WFDC8: variants seen among roughly 807,000 people sequenced by gnomAD.
The protein encoded by WFDC8 is WAP four-disulfide core domain protein 8.
Under a neutral mutation model 27.0 loss-of-function variants are expected in WFDC8, and 24 were observed. That is an observed-to-expected ratio of 0.89 (90% CI 0.64 to 1.25). The LOEUF is 1.25. Ranked by LOEUF, WFDC8 falls within the 50% of genes most tolerant of loss-of-function variation. The probability of loss-of-function intolerance (pLI) is 0.00; values close to 1 mark genes in which losing one functional copy is unlikely to be tolerated. For synonymous variants in WFDC8, 106 were observed against 99.7 expected, an observed-to-expected ratio of 1.06 and a Z score of -0.38; for missense variants, 287 against 295.9, an observed-to-expected ratio of 0.97 and a Z score of 0.22.
In WFDC8 at chr20:45,553,209, A is replaced by C. The variant is rs771731147; in HGVS notation, c.513T>G (p.Ser171Arg). 1.2e-6 allele frequency: 2 copies of C among 1,613,898 alleles called. No homozygotes were observed. The highest frequency in any genetic ancestry group is 4.5e-5 in the East Asian group (2 of 44,880). ...TGTCTGTCTGGGGACAATCGATGTC[A>C]CTGTGACATGAAGGTGGACACTCCT... ...ERKECPPSCH[S>R]DIDCPQTDKC... is the part of the protein sequence containing the mutation. The change falls in exon 5 of 6, where the codon AGT (serine) becomes AGG (arginine). Residue 171 changes from serine (S) to arginine (R), a missense_variant. Ser to Arg is a moderately radical substitution (Grantham distance 110). Transcript: ENST00000289953.
At chr20:45,570,536 A>G (rs1371409836) in intron 1 of WFDC8, among the ~76,000 whole-genome samples, 3 of 152,334 alleles carry the variant, frequency 2.0e-5, no homozygotes, top group East Asian at 3.9e-4. Flanking sequence ...CTATGGCTAT[A>G]CAACAGGTTC....
intron 2 of WFDC8, among the ~76,000 whole-genome samples, chr20:45,559,368 T>C (rs1238006995): frequency 2.0e-5 from 3 of 152,206 alleles, no homozygotes; most frequent in Non-Finnish European, 4.4e-5. Context: ...GGGAACATCA[T>C]GGAAGTAGAG....
chr20:45,564,426 C>G (rs1031935634), intron 1 of WFDC8, among the ~76,000 whole-genome samples: 7 of 152,030 alleles, frequency 4.6e-5, no homozygotes, highest in Admixed American at 4.6e-4. Context: ...AATCCCAGCA[C>G]TTTGGGAGGC....
At chr20:45,572,795 C>T (rs1274532307) in intron 1 of WFDC8, among the ~76,000 whole-genome samples, 1 of 152,166 alleles carries the variant, frequency 6.6e-6, no homozygotes, top group African/African-American at 2.4e-5. Flanking sequence ...TTAGTAGAGA[C>T]AGGGTTTCAC....
chr20:45,562,065 A>C (rs1243696112), intron 2 of WFDC8, 45 bp downstream of exon 2: 1 of 1,570,854 alleles, frequency 6.4e-7, no homozygotes, highest in East Asian at 2.3e-5. Flanking sequence ...CTCATCCCCA[A>C]TAATGCTTTC....
chr20:45,553,058 AC>A, intron 5 of WFDC8, 77 bp downstream of exon 5: 3 of 1,521,870 alleles, frequency 2.0e-6, no homozygotes, highest in Non-Finnish European at 1.8e-6. Context: ...GGTTCAAGAC[AC>A]CCCCCACTCC....
At chr20:45,565,213 A>G (rs1025733701) in intron 1 of WFDC8, among the ~76,000 whole-genome samples, 2 of 152,152 alleles carry the variant, frequency 1.3e-5, no homozygotes, top group African/African-American at 4.8e-5. Context: ...ACGCTTCACC[A>G]TCAAATCACT....
chr20:45,578,638 C>T (rs1173824522), intron 1 of WFDC8, among the ~76,000 whole-genome samples: 3 of 141,250 alleles, frequency 2.1e-5, no homozygotes, highest in African/African-American at 7.4e-5. Context: ...ATGTGTCTTC[C>T]TTCCACGGGC....
At chr20:45,551,617 CAAAA>C (rs11479142), downstream of WFDC8, 368 of 124,534 alleles carry the variant, frequency 3.0e-3, 1 homozygote, top group African/African-American at 7.9e-3. Flanking sequence ...CTCCGTCTCA[CAAAA>C]AAAAAAAAAA....
intron 2 of WFDC8, chr20:45,559,689 G>T (rs1980395392): frequency 6.6e-6 from 1 of 151,472 alleles, no homozygotes; most frequent in South Asian, 2.1e-4. Flanking sequence ...TGGCAGATGT[G>T]GCGTTGCTTT....
intron 1 of WFDC8, among the ~76,000 whole-genome samples, chr20:45,564,789 C>G (rs1446677426): frequency 6.6e-6 from 1 of 151,342 alleles, no homozygotes; most frequent in East Asian, 1.9e-4. Flanking sequence ...TTTCAATGAG[C>G]CATGATCATG....
Position 45,555,727 on chromosome 20 carries a change from G to A in WFDC8, c.419C>T (p.Ala140Val). Residue 140 changes from alanine (A) to valine (V), a missense_variant, in exon 4 of 6, where the codon GCC (alanine) becomes GTC (valine). By Grantham distance (64) the Ala-to-Val change is moderately conservative (BLOSUM62 0). Transcript: ENST00000289953. ...GNANNFLNED[A>V]CRTACMLIVK... Reference sequence around the variant, plus strand: ...AATTAACATGCAGGCCGTTCTGCAGGCATCCTCATTTAAGAAGTTGTTGGC... The same window carrying A: ...AATTAACATGCAGGCCGTTCTGCAGACATCCTCATTTAAGAAGTTGTTGGC... The A allele has an allele frequency of 6.2e-7, 1 of 1,612,646 alleles. No homozygotes were observed. The highest frequency in any genetic ancestry group is 8.5e-7 in the Non-Finnish European group (1 of 1,180,010).
intron 1 of WFDC8, among the ~76,000 whole-genome samples, chr20:45,578,989 C>T (rs1981140867): frequency 6.6e-6 from 1 of 152,046 alleles, no homozygotes; most frequent in African/African-American, 2.4e-5. Context: ...CACCTGTAGT[C>T]CCAGCTACTA....
intron 1 of WFDC8, among the ~76,000 whole-genome samples, chr20:45,573,077 T>G (rs1326528435): frequency 6.6e-6 from 1 of 152,244 alleles, no homozygotes; most frequent in Non-Finnish European, 1.5e-5. Context: ...GTCTCTTGAC[T>G]CTGTTGATTA....
chr20:45,568,071 G>A, intron 1 of WFDC8: 1 of 328,722 alleles, frequency 3.0e-6, no homozygotes, highest in South Asian at 3.8e-5. Flanking sequence ...AACTAAAAAA[G>A]CTGTTGCTGT....
chr20:45,568,284 G>A (rs1980749819), intron 1 of WFDC8: 1 of 236,926 alleles, frequency 4.2e-6, no homozygotes, highest in South Asian at 6.8e-5. Flanking sequence ...GCCTAAGCCT[G>A]TCATAGAGGC....
At chr20:45,553,400 A>C in intron 4 of WFDC8, 124 bp from the exon 5 acceptor site, 3 of 1,181,724 alleles carry the variant, frequency 2.5e-6, no homozygotes, top group Non-Finnish European at 3.5e-6. Context: ...TACCCTATCC[A>C]TCTCCAGTAG....
intron 1 of WFDC8, among the ~76,000 whole-genome samples, chr20:45,564,567 G>A (rs925225327): frequency 2.6e-5 from 4 of 151,882 alleles, no homozygotes; most frequent in Non-Finnish European, 5.9e-5. Context: ...CCAGCTATTC[G>A]GGAGGCTGAG....
intron 1 of WFDC8, among the ~76,000 whole-genome samples, chr20:45,578,633 T>A (rs1981127299): frequency 7.1e-6 from 1 of 141,236 alleles, no homozygotes; most frequent in South Asian, 2.2e-4. Flanking sequence ...CAGAAATGTG[T>A]CTTCCTTCCA....
Sources: gnomAD v4.1 joint callset for allele counts (sites outside exome capture counted in the v4.1 genomes callset) on GRCh38, gnomAD v4.1.1 for gene constraint, MANE v1.5 for transcripts, NCBI Gene and HGNC (gene_info 2026-07-23, HGNC 2026-07-21) for gene names.